Variants in ELMO1 observed in about 807,000 individuals in gnomAD.
ELMO1 encodes the protein engulfment and cell motility protein 1.
Under a neutral mutation model 98.9 loss-of-function variants are expected in ELMO1, and 26 were observed. The observed-to-expected ratio is 0.26, with a 90% CI of 0.19 to 0.36. The LOEUF is 0.36. Ranked by LOEUF, ELMO1 falls within the 10% of genes least tolerant of loss-of-function variation. The pLI is 1.00. For missense variants in ELMO1, 627 were observed against 935.2 expected (o/e 0.67, Z 4.30); for synonymous variants, 346 against 346.0 (o/e 1.00, Z 0.00).
intron 14 of ELMO1, among the ~76,000 whole-genome samples, chr7:37,123,859 CT>C (rs1786285743): frequency 6.6e-6 from 1 of 152,176 alleles, no homozygotes; most frequent in Admixed American, 6.5e-5. Flanking sequence ...GACCAATATC[CT>C]TGATGAACAT....
intron 19 of ELMO1, among the ~76,000 whole-genome samples, chr7:36,872,987 G>T (rs1277606012): frequency 5.9e-5 from 9 of 152,104 alleles, no homozygotes; most frequent in Non-Finnish European, 1.3e-4. Context: ...GTCTGTCCTG[G>T]GGGGTGGTCT....
intron 16 of ELMO1, among the ~76,000 whole-genome samples, chr7:36,997,131 C>T (rs564406073): frequency 2.0e-5 from 3 of 151,748 alleles, no homozygotes; most frequent in Admixed American, 1.3e-4. Flanking sequence ...ATGATGGTGG[C>T]GGGAAGGCAG....
At chr7:36,915,505 T>TA (rs1784625992) in intron 16 of ELMO1, among the ~76,000 whole-genome samples, 1 of 152,152 alleles carries the variant, frequency 6.6e-6, no homozygotes, top group Admixed American at 6.5e-5. Flanking sequence ...ATTCAGGCCT[T>TA]AGAGATGGAT....
At chr7:36,963,863 G>A (rs1473274773) in intron 16 of ELMO1, among the ~76,000 whole-genome samples, 1 of 152,142 alleles carries the variant, frequency 6.6e-6, no homozygotes, top group Non-Finnish European at 1.5e-5. Flanking sequence ...TTACAGAAAA[G>A]CTATAAACCT....
chr7:37,276,383 C>A (rs1796833796), intron 4 of ELMO1, among the ~76,000 whole-genome samples: 1 of 152,218 alleles, frequency 6.6e-6, no homozygotes, highest in Admixed American at 6.5e-5. Flanking sequence ...CCCAGGCAGG[C>A]AGATCACGAG....
intron 1 of ELMO1, among the ~76,000 whole-genome samples, chr7:37,424,505 T>C (rs1335666347): frequency 6.6e-6 from 1 of 152,188 alleles, no homozygotes; most frequent in Non-Finnish European, 1.5e-5. Flanking sequence ...GTTTTATTCC[T>C]GAACAAACCA....
intron 6 of ELMO1, among the ~76,000 whole-genome samples, chr7:37,248,256 G>C (rs1034000744): frequency 6.6e-6 from 1 of 151,984 alleles, no homozygotes; most frequent in Non-Finnish European, 1.5e-5. Flanking sequence ...GTGACTAGAA[G>C]AGAAATTACT....
chr7:37,111,270 G>A (rs1274967908), intron 14 of ELMO1, among the ~76,000 whole-genome samples: 6 of 152,196 alleles, frequency 3.9e-5, no homozygotes, highest in African/African-American at 7.2e-5. Context: ...ATCAGCACAC[G>A]TAAGTTAACC....
chr7:37,181,179 G>A (rs2129989945), intron 13 of ELMO1, among the ~76,000 whole-genome samples: 1 of 152,046 alleles, frequency 6.6e-6, no homozygotes, highest in East Asian at 1.9e-4. Context: ...ACTCAAAATG[G>A]GGACAAGTGA....
At chr7:36,897,550 T>G (rs1449408909) in intron 16 of ELMO1, among the ~76,000 whole-genome samples, 7 of 152,142 alleles carry the variant, frequency 4.6e-5, no homozygotes. Flanking sequence ...GGGCTGAGAT[T>G]GTCCAGGGAA....
Position 37,311,141 on chromosome 7 carries a change from C to A in ELMO1, c.192+3709G>T, listed in dbSNP as rs545671609. ...TTCTGCTGAATGCTACTTAACATGA[C>A]ATTTTCCCCCACTGCACCAAAAAAA... On this transcript the variant is annotated intron_variant, in intron 4 of 21. Transcript: ENST00000310758. Among the ~76,000 whole-genome samples, 3 of 152,122 alleles carry A rather than the reference C, an allele frequency of 2.0e-5. No homozygotes were observed. In the East Asian group the frequency reaches 5.8e-4, roughly 29 times the overall value.
chr7:37,132,034 C>T (rs1044344619), intron 14 of ELMO1, among the ~76,000 whole-genome samples: 9 of 152,110 alleles, frequency 5.9e-5, no homozygotes, highest in Admixed American at 2.6e-4. Context: ...ACTGAAGAAA[C>T]ACGCCCACAC....
intron 16 of ELMO1, among the ~76,000 whole-genome samples, chr7:36,991,814 C>T (rs1263358534): frequency 6.6e-6 from 1 of 152,124 alleles, no homozygotes; most frequent in Non-Finnish European, 1.5e-5. Flanking sequence ...CAGTGCTTAC[C>T]ATGGGCCTAT....
rs1306326891 is a variant in ELMO1 at position 37,129,458 on chromosome 7, GTCC to G, written c.1191+3669_1191+3671del. Among the ~76,000 whole-genome samples the G allele has an allele frequency of 4.6e-5, 7 of 152,296 alleles. No individual in the cohort carries two copies. In the East Asian group the frequency reaches 5.8e-4, roughly 13 times the overall value. ...CCAGATCTCACTGCCTACGGCATAT[GTCC>G]TCCTAGACAGATGTCCCACATGCAT... is the stretch of plus-strand genomic sequence containing the variant. On this transcript the variant is annotated intron_variant, in intron 14 of 21. Coordinates refer to ENST00000310758, the MANE Select transcript of ELMO1 (RefSeq NM_014800.11).
chr7:36,982,772 T>TTC (rs1791177179), intron 16 of ELMO1, among the ~76,000 whole-genome samples: 1 of 152,330 alleles, frequency 6.6e-6, no homozygotes, highest in Non-Finnish European at 1.5e-5. Context: ...GCCTAACCCC[T>TTC]TCTTTCTCTT....
At position 36,861,952 on chromosome 7, in the gene ELMO1, C is replaced by T. The variant is rs112671067; in HGVS notation, c.1906-216G>A. 2.5e-3 allele frequency: 1,427 copies of T among 573,480 alleles called. 6 individuals are homozygous for T. Among genetic ancestry groups the T allele is most frequent in the Admixed American group, 3.6e-3 (123 of 34,168 alleles). The allele number at this position is 573,480 out of a possible 1,614,324, so 35.5% of individuals were successfully genotyped here. On this transcript the variant is annotated intron_variant, in intron 20 of 21. Coordinates refer to ENST00000310758, the MANE Select transcript of ELMO1 (RefSeq NM_014800.11). Reference sequence around the variant, plus strand: ...GGTCTGTGAACTATCTCATTTAATTCGCATGCAGCCCATGTAGCAAGTGTT... The same window carrying T: ...GGTCTGTGAACTATCTCATTTAATTTGCATGCAGCCCATGTAGCAAGTGTT...
chr7:37,174,200 A>G (rs17176150), intron 13 of ELMO1, among the ~76,000 whole-genome samples: 12,927 of 151,950 alleles, frequency 0.085, 661 homozygotes, highest in South Asian at 0.21. Flanking sequence ...ATACCCTCCC[A>G]CTTCCTTTTT....
chr7:37,409,247 T>G (rs905587058), intron 1 of ELMO1, among the ~76,000 whole-genome samples: 2 of 152,172 alleles, frequency 1.3e-5, no homozygotes, highest in Non-Finnish European at 1.5e-5. Flanking sequence ...ATTAAATAAC[T>G]TCCCTTAACT....
intron 15 of ELMO1, among the ~76,000 whole-genome samples, chr7:37,044,911 G>A (rs932626217): frequency 1.1e-4 from 16 of 152,354 alleles, no homozygotes; most frequent in Non-Finnish European, 2.1e-4. Flanking sequence ...TGCTGTGGCT[G>A]CTGTGGGCTA....
Sources: allele counts gnomAD v4.1 joint callset (sites outside exome capture counted in the v4.1 genomes callset), GRCh38; gene constraint gnomAD v4.1.1; transcripts MANE v1.5; gene names NCBI Gene and HGNC (gene_info 2026-07-23, HGNC 2026-07-21).